Variants in TSHR observed in about 807,000 individuals in gnomAD.
TSHR encodes thyroid stimulating hormone receptor.
In TSHR, 51 loss-of-function variants were observed where a neutral mutation model predicts 64.1. That is an observed-to-expected ratio of 0.80 (90% CI 0.64 to 1.01). TSHR has a LOEUF of 1.01. TSHR is among the 50% of genes least tolerant of loss of function. TSHR has a pLI of 0.00. For missense variants in TSHR, 877 were observed against 942.8 expected (o/e 0.93, Z 0.91); for synonymous variants, 361 against 361.9 (o/e 1.00, Z 0.03).
intron 1 of TSHR, among the ~76,000 whole-genome samples, chr14:81,039,083 A>G (rs888329964): frequency 1.3e-5 from 2 of 151,930 alleles, no homozygotes; most frequent in African/African-American, 4.8e-5. Flanking sequence ...AGACAAGGAC[A>G]CAACAAAGAA....
At chr14:80,969,330 G>T (rs1887478482) in intron 1 of TSHR, among the ~76,000 whole-genome samples, 1 of 152,196 alleles carries the variant, frequency 6.6e-6, no homozygotes, top group Non-Finnish European at 1.5e-5. Flanking sequence ...TTGAGGCAAT[G>T]CTGTACACGT....
chr14:81,073,022 ATATATATAT>A (rs1384152029), intron 3 of TSHR, among the ~76,000 whole-genome samples: 1,271 of 20,088 alleles, frequency 0.063, 59 homozygotes, highest in East Asian at 0.084. Flanking sequence ...TAAAAAATAA[ATATATATAT>A]ATATATATAT....
In TSHR at chr14:81,145,386, C is replaced by T. The variant is rs1891889467; in HGVS notation, c.*1033C>T. ...AGTCCTTGAAGCCTAGACACATGAC[C>T]CAGGAAATTTTTCCTTTGTTTCACT... On this transcript the variant is annotated 3_prime_UTR_variant, in exon 10 of 10. Coordinates refer to ENST00000298171, the MANE Select transcript of TSHR (RefSeq NM_000369.5). 4.3e-6 allele frequency: 1 copy of T among 233,136 alleles called. No individual in the cohort carries two copies. The highest frequency in any genetic ancestry group is 8.5e-6 in the Non-Finnish European group (1 of 117,994). The allele number at this position is 233,136 out of a possible 1,614,324, so 14.4% of individuals were successfully genotyped here. A position where few individuals can be genotyped will look rare whatever the true frequency, so the allele number is the denominator to read the frequency against.
At chr14:81,104,998 A>C (rs1889804588) in intron 7 of TSHR, 41 of 985,306 alleles carry the variant, frequency 4.2e-5, no homozygotes, top group Non-Finnish European at 4.9e-5. Flanking sequence ...ACTTTCAAAA[A>C]GTATTTCCTT....
chr14:81,095,068 G>A (rs1169655292), intron 6 of TSHR, among the ~76,000 whole-genome samples: 2 of 152,046 alleles, frequency 1.3e-5, no homozygotes, highest in Non-Finnish European at 2.9e-5. Flanking sequence ...GTTCACATGT[G>A]GTAGATTACT....
chr14:81,107,249 C>T (rs1889953857), intron 7 of TSHR: 1 of 152,116 alleles, frequency 6.6e-6, no homozygotes, highest in Non-Finnish European at 1.5e-5. Context: ...AAATGTTCCA[C>T]CATGAAGAGC....
intron 1 of TSHR, among the ~76,000 whole-genome samples, chr14:81,011,124 G>A (rs148973260): frequency 1.4e-3 from 214 of 152,250 alleles, no homozygotes; most frequent in African/African-American, 4.4e-3. Flanking sequence ...TTTCTTGTAC[G>A]ATCCAGGCCC....
At chr14:80,982,931 T>C (rs144530907) in intron 1 of TSHR, 6,379 of 520,166 alleles carry the variant, frequency 0.012, 57 homozygotes, top group Middle Eastern at 0.029. Flanking sequence ...TCTTGCAAAA[T>C]GGAATGCTAT....
Position 80,955,749 on chromosome 14 carries a change from G to A in TSHR, c.69G>A (p.Gly23=), listed in dbSNP as rs1322028071. 1.2e-6 allele frequency: 2 copies of A among 1,614,200 alleles called. No individual in the cohort carries two copies. The highest frequency in any genetic ancestry group is 1.3e-5 in the African/African-American group (1 of 75,056). The change falls in exon 1 of 10, where the codon GGG becomes GGA. Residue 23 remains glycine, a synonymous_variant. Transcript: ENST00000298171. ...TGCCCAGGGACCTGGGCGGAATGGG[G>A]TGTTCGTCTCCACCCTGCGAGTGCC... is the stretch of plus-strand genomic sequence containing the variant. The part of the protein sequence containing the change: ...LDLPRDLGGM[G]CSSPPCECHQ...
At chr14:81,099,726 T>TC (rs1889448824) in intron 7 of TSHR, among the ~76,000 whole-genome samples, 1 of 152,180 alleles carries the variant, frequency 6.6e-6, no homozygotes, top group Admixed American at 6.5e-5. Context: ...GCTGGGATGA[T>TC]AAAACGTTAT....
At chr14:81,004,764 T>C (rs1259379754) in intron 1 of TSHR, among the ~76,000 whole-genome samples, 1 of 152,196 alleles carries the variant, frequency 6.6e-6, no homozygotes, top group Admixed American at 6.5e-5. Flanking sequence ...CCCTCACTCT[T>C]TGATTTGCTG....
chr14:80,998,807 C>T (rs1889155262), intron 1 of TSHR, among the ~76,000 whole-genome samples: 1 of 152,086 alleles, frequency 6.6e-6, no homozygotes, highest in South Asian at 2.1e-4. Flanking sequence ...CTCTTCTGGG[C>T]TATAATAATT....
intron 3 of TSHR, among the ~76,000 whole-genome samples, chr14:81,071,614 A>G (rs1887074722): frequency 6.6e-6 from 1 of 152,116 alleles, no homozygotes; most frequent in Non-Finnish European, 1.5e-5. Flanking sequence ...AAAAAAAATT[A>G]GCTGAGCATG....
chr14:81,062,345 A>G (rs1886305944), intron 2 of TSHR, 126 bp downstream of exon 2: 1 of 652,424 alleles, frequency 1.5e-6, no homozygotes, highest in African/African-American at 1.8e-5. Flanking sequence ...GTCAATGTAT[A>G]TGACAATTTT....
chr14:81,044,342 T>C (rs1022910180), intron 1 of TSHR, among the ~76,000 whole-genome samples: 3 of 152,138 alleles, frequency 2.0e-5, no homozygotes, highest in African/African-American at 7.2e-5. Flanking sequence ...TCAACATCAC[T>C]GATCATTAGA....
chr14:81,072,022 C>T (rs147456153), intron 3 of TSHR, among the ~76,000 whole-genome samples: 60 of 152,296 alleles, frequency 3.9e-4, no homozygotes, highest in South Asian at 6.2e-4. Flanking sequence ...TGTGAATGAA[C>T]TGAGCAAGAG....
At chr14:80,975,427 T>C (rs1305015193) in intron 1 of TSHR, among the ~76,000 whole-genome samples, 1 of 152,212 alleles carries the variant, frequency 6.6e-6, no homozygotes, top group East Asian at 1.9e-4. Context: ...CAGATGCTTT[T>C]CACAGCTATC....
At chr14:80,996,492 A>C (rs898256249) in intron 1 of TSHR, among the ~76,000 whole-genome samples, 6 of 152,202 alleles carry the variant, frequency 3.9e-5, no homozygotes, top group African/African-American at 1.2e-4. Flanking sequence ...CTTTCAGCTA[A>C]CCAGCAGAGG....
intron 8 of TSHR, chr14:81,108,921 A>C: frequency 7.1e-7 from 1 of 1,401,350 alleles, no homozygotes; most frequent in African/African-American, 1.4e-5. Context: ...AGATGGAATA[A>C]AAACATTTTT....
Sources: allele counts gnomAD v4.1 joint callset (sites outside exome capture counted in the v4.1 genomes callset), GRCh38; gene constraint gnomAD v4.1.1; transcripts MANE v1.5; gene names NCBI Gene and HGNC (gene_info 2026-07-23, HGNC 2026-07-21).